ERCC6: variants seen among roughly 807,000 people sequenced by gnomAD.
ERCC6 encodes ERCC excision repair 6, chromatin remodeling factor.
A neutral mutation model predicts 158.7 loss-of-function variants in ERCC6; 116 were observed. The ratio of observed to expected loss-of-function variants is 0.73; its 90% CI spans 0.63 to 0.85. The LOEUF (loss-of-function observed/expected upper bound fraction) is 0.85, where lower values mean the gene tolerates loss of function less well. Among genes scored for constraint, ERCC6 ranks in the 40% least tolerant of loss-of-function variants. The pLI is 0.00. For synonymous variants in ERCC6, 678 were observed against 659.3 expected, an observed-to-expected ratio of 1.03 and a Z score of -0.43; for missense variants, 1,698 against 1,799.4, an observed-to-expected ratio of 0.94 and a Z score of 1.02.
chr10:49,458,889 A>G lies in ERCC6; in HGVS notation c.4408T>C (p.Leu1470=). 4 of 1,614,220 alleles carry G rather than the reference A, an allele frequency of 2.5e-6. No individual in the cohort carries two copies. In the Admixed American group the frequency reaches 5.0e-5, roughly 20 times the overall value. ...CTATGGAAAGTGCACAGATTTCTCA[A>G]TAGTTCTCGGAAGACACAAGACTGT... ...ASQSCVFREL[L]RNLCTFHRTS... Residue 1470 remains leucine (L), a synonymous_variant, in exon 21 of 21, where the codon TTG becomes CTG. Transcript: ENST00000355832.
intron 11 of ERCC6, among the ~76,000 whole-genome samples, chr10:49,477,668 C>T (rs1434982596): frequency 6.6e-6 from 1 of 152,146 alleles, no homozygotes; most frequent in Non-Finnish European, 1.5e-5. Context: ...AGCTCCTCCT[C>T]TTCTACCCTC....
rs576565789 is a variant in ERCC6, at chr10:49,470,666, A to G, written c.3294T>C (p.Ser1098=). 5.2e-5 allele frequency: 84 copies of G among 1,613,952 alleles called. No homozygotes were observed. The South Asian group carries it at 8.3e-4, about 16-fold the overall frequency. Residue 1098 remains serine, a synonymous_variant, in exon 18 of 21, where the codon AGT becomes AGC. Transcript: ENST00000355832. ...SDPLKDDPHM[S]SNVTSNDRLG... is the part of the protein sequence containing the mutation. ...GCCTATCATTGCTAGTTACATTACT[A>G]CTCATGTGAGGGTCATCTTTCAAAG...
At chr10:49,509,469 T>C (rs1175091782) in intron 5 of ERCC6, among the ~76,000 whole-genome samples, 2 of 152,220 alleles carry the variant, frequency 1.3e-5, no homozygotes, top group Non-Finnish European at 2.9e-5. Flanking sequence ...ATCAAATGGA[T>C]GCTCAGTTAA....
rs1850510218 is a variant in ERCC6 at position 49,457,904 on chromosome 10, T to C, written c.*911A>G. 6.6e-6 allele frequency: 1 copy of C among 152,250 alleles called. No homozygotes were observed. The highest frequency in any genetic ancestry group is 6.5e-5 in the Admixed American group (1 of 15,282). The allele number at this position is 152,250 out of a possible 1,614,324, so 9.4% of individuals were successfully genotyped here. On this transcript the variant is annotated 3_prime_UTR_variant, in exon 21 of 21. Transcript: ENST00000355832. ...AAACAAGAAAGCCCGTCGCAAGGAA[T>C]GCAAAGGCAGGCGCAAGACGAAGGC...
intron 5 of ERCC6, among the ~76,000 whole-genome samples, chr10:49,522,920 A>G (rs946852745): frequency 2.6e-5 from 4 of 152,214 alleles, no homozygotes; most frequent in Admixed American, 6.5e-5. Flanking sequence ...CCGCAACTCT[A>G]AAGAACAGGA....
intron 7 of ERCC6, among the ~76,000 whole-genome samples, chr10:49,496,779 G>C (rs974003468): frequency 3.3e-5 from 5 of 152,188 alleles, no homozygotes; most frequent in Non-Finnish European, 7.4e-5. Context: ...CTGCACTCCA[G>C]CCTGGGCGAC....
At chr10:49,451,349 T>C (rs1850418373), downstream of ERCC6, among the ~76,000 whole-genome samples, 1 of 152,180 alleles carries the variant, frequency 6.6e-6, no homozygotes. Context: ...GGCATCCTTG[T>C]CTTATTTCTA....
At chr10:49,528,326 C>G in intron 4 of ERCC6, 91 bp downstream of exon 4, 1 of 1,498,190 alleles carries the variant, frequency 6.7e-7, no homozygotes, top group Non-Finnish European at 9.3e-7. Flanking sequence ...TTTCTCAAAA[C>G]CCAGGCAAAG....
At chr10:49,459,528 C>T (rs1438257998) in intron 20 of ERCC6, among the ~76,000 whole-genome samples, 1 of 152,142 alleles carries the variant, frequency 6.6e-6, no homozygotes, top group African/African-American at 2.4e-5. Context: ...GTGGAGGCTT[C>T]CAGGCAAGGT....
chr10:49,491,145 A>G (rs1851167801), intron 8 of ERCC6, among the ~76,000 whole-genome samples: 1 of 152,220 alleles, frequency 6.6e-6, no homozygotes, highest in South Asian at 2.1e-4. Flanking sequence ...TGTCAATAGT[A>G]AGGCCTATGG....
At chr10:49,499,415 A>C (rs1367406976) in intron 7 of ERCC6, among the ~76,000 whole-genome samples, 1 of 152,230 alleles carries the variant, frequency 6.6e-6, no homozygotes, top group East Asian at 1.9e-4. Context: ...TTTATGGTTC[A>C]TATTTGGCTC....
chr10:49,437,614 G>A, the ERCC6 span, among the ~76,000 whole-genome samples: 6 of 152,156 alleles, frequency 3.9e-5, no homozygotes, highest in Non-Finnish European at 7.3e-5. Flanking sequence ...GTGCTTACTA[G>A]TACAGGCATA....
At chr10:49,474,314 G>A (rs1456541759) in intron 12 of ERCC6, 72 bp from the exon 13 acceptor site, 12 of 1,207,040 alleles carry the variant, frequency 9.9e-6, no homozygotes, top group Non-Finnish European at 1.4e-5. Context: ...CAAGGAGGCT[G>A]TTTAACCTAT....
chr10:49,539,164 C>G (rs4253003), upstream of ERCC6: 3 of 152,328 alleles, frequency 2.0e-5, no homozygotes, highest in African/African-American at 4.8e-5. Flanking sequence ...ACGGGCAAGA[C>G]CACGTGGTTT....
Position 49,472,409 on chromosome 10 carries a change from G to T in ERCC6, c.2891C>A (p.Thr964Asn), listed in dbSNP as rs200291655. The change falls in exon 16 of 21, where the codon ACT (threonine) becomes AAT (asparagine). Residue 964 changes from threonine (T) to asparagine (N), a missense_variant. Physicochemically the swap from Thr to Asn is moderately conservative, Grantham distance 65. Coordinates refer to ENST00000355832, the MANE Select transcript of ERCC6 (RefSeq NM_000124.4). ...GATCTTTTCTTCAATGGTGCCCGCA[G>T]TCAGGAGCCTGTACACAGTCACTTG... ...KKQVTVYRLL[T>N]AGTIEEKIYH... The T allele has an allele frequency of 6.2e-7, 1 of 1,614,016 alleles. No homozygotes were observed. Among genetic ancestry groups the T allele is most frequent in the African/African-American group, 1.3e-5 (1 of 74,920 alleles).
chr10:49,527,533 G>A (rs150650983), intron 4 of ERCC6, among the ~76,000 whole-genome samples: 180 of 152,220 alleles, frequency 1.2e-3, no homozygotes, highest in Non-Finnish European at 2.2e-3. Context: ...AAAATTAGCT[G>A]GGCATGGTGG....
chr10:49,436,145 T>C, the ERCC6 span, among the ~76,000 whole-genome samples: 1 of 152,150 alleles, frequency 6.6e-6, no homozygotes, highest in Non-Finnish European at 1.5e-5. Flanking sequence ...GCATATTCAT[T>C]TGGGGAAACA....
At chr10:49,451,433 T>C (rs1218924572), downstream of ERCC6, among the ~76,000 whole-genome samples, 2 of 152,208 alleles carry the variant, frequency 1.3e-5, no homozygotes, top group African/African-American at 2.4e-5. Context: ...AGATGTTCTT[T>C]ATCAGGTTAA....
rs188227731 is a variant in ERCC6, at chr10:49,482,951, T to C, written c.1993-88A>G. 117 of 1,350,984 alleles carry C rather than the reference T, an allele frequency of 8.7e-5. No homozygotes were observed. The East Asian group carries it at 2.8e-3, about 32-fold the overall frequency. The allele number at this position is 1,350,984 out of a possible 1,614,324, so 83.7% of individuals were successfully genotyped here. ...CTAAAACGCTCCTCTGCAAATTATT[T>C]ACACATTTACTCATCATTCTTGCAT... On this transcript the variant is annotated intron_variant, in intron 9 of 20. Coordinates refer to ENST00000355832, the MANE Select transcript of ERCC6 (RefSeq NM_000124.4).
Sources: allele counts gnomAD v4.1 joint callset (sites outside exome capture counted in the v4.1 genomes callset), GRCh38; gene constraint gnomAD v4.1.1; transcripts MANE v1.5; gene names NCBI Gene and HGNC (gene_info 2026-07-23, HGNC 2026-07-21).